Variants in DNAI1 observed in about 807,000 individuals in gnomAD.
DNAI1 encodes dynein, axonemal, intermediate polypeptide 1.
Under a neutral mutation model 92.0 loss-of-function variants are expected in DNAI1, and 67 were observed. The observed-to-expected ratio is 0.73, with a 90% CI of 0.60 to 0.89. The LOEUF (loss-of-function observed/expected upper bound fraction) is 0.89. Among genes scored for constraint, DNAI1 ranks in the 40% least tolerant of loss-of-function variants. The pLI is 0.00. For synonymous variants in DNAI1, 323 were observed against 319.6 expected (o/e 1.01, Z -0.11); for missense variants, 839 against 866.6 (o/e 0.97, Z 0.40).
At chr9:34,471,741 G>T (rs1031224352) in intron 1 of DNAI1, among the ~76,000 whole-genome samples, 3 of 151,978 alleles carry the variant, frequency 2.0e-5, no homozygotes, top group Non-Finnish European at 4.4e-5. Flanking sequence ...TTGCACTCCA[G>T]CCTGGGCTAC....
intron 14 of DNAI1, 50 bp downstream of exon 14, chr9:34,512,248 AG>A: frequency 6.2e-7 from 1 of 1,611,406 alleles, no homozygotes; most frequent in South Asian, 1.1e-5. Flanking sequence ...GGAGGCAGGG[AG>A]CTAAATGGCA....
At chr9:34,506,516 C>A (rs1824932840) in intron 12 of DNAI1, 111 bp from the exon 13 acceptor site, 2 of 1,435,326 alleles carry the variant, frequency 1.4e-6, no homozygotes, top group African/African-American at 1.4e-5. Context: ...CACACTCTGA[C>A]AGATGCAGAG....
chr9:34,482,463 T>C (rs1394037938), intron 1 of DNAI1, among the ~76,000 whole-genome samples: 3 of 151,030 alleles, frequency 2.0e-5, no homozygotes, highest in African/African-American at 4.9e-5. Context: ...AGGGTGCTGA[T>C]TGGTGTGTTT....
intron 1 of DNAI1, among the ~76,000 whole-genome samples, chr9:34,481,517 G>T (rs913851738): frequency 1.3e-5 from 2 of 152,212 alleles, no homozygotes; most frequent in African/African-American, 4.8e-5. Flanking sequence ...TCTGGAATTG[G>T]TGGGTTCTTG....
chr9:34,482,684 G>A (rs1227272263), intron 1 of DNAI1, among the ~76,000 whole-genome samples: 1 of 152,248 alleles, frequency 6.6e-6, no homozygotes, highest in Non-Finnish European at 1.5e-5. Flanking sequence ...CCAGACTTAG[G>A]AGCCCACCTG....
At position 34,513,106 on chromosome 9, in the gene DNAI1, C is replaced by G. The variant is rs1388193232; in HGVS notation, c.1490-6C>G. On this transcript the variant is annotated splice_region_variant and splice_polypyrimidine_tract_variant and intron_variant, in intron 15 of 19. Coordinates refer to ENST00000242317, the MANE Select transcript of DNAI1 (RefSeq NM_012144.4). ...GGCTAAGCCTGCCCCTCCCTCTTTTCCCAAGGTTGTGGCACTGCCTTTGAC... is the reference window on the plus strand; with the variant it reads ...GGCTAAGCCTGCCCCTCCCTCTTTTGCCAAGGTTGTGGCACTGCCTTTGAC... 6.2e-7 allele frequency: 1 copy of G among 1,613,750 alleles called. No individual in the cohort carries two copies.
In DNAI1 at chr9:34,506,725, T is replaced by C. The variant is rs1391419057; in HGVS notation, c.1162T>C (p.Cys388Arg). The C allele has an allele frequency of 6.2e-7, 1 of 1,614,192 alleles. No individual in the cohort carries two copies. Among genetic ancestry groups the C allele is most frequent in the Non-Finnish European group, 8.5e-7 (1 of 1,180,030 alleles). Reference sequence around the variant, plus strand: ...GTTCAGCAGCAACAGCGGCGTCATGTGTCTCGACATCCACGTGGACCACCC... The same window carrying C: ...GTTCAGCAGCAACAGCGGCGTCATGCGTCTCGACATCCACGTGGACCACCC... ...YMFSSNSGVM[C>R]LDIHVDHPYL... The change falls in exon 13 of 20, where the codon TGT becomes CGT. Residue 388 changes from cysteine to arginine, a missense_variant. Physicochemically the swap from Cys to Arg is radical, Grantham distance 180. Transcript: ENST00000242317.
intron 4 of DNAI1, chr9:34,488,180 C>A (rs974056079): frequency 1.2e-5 from 3 of 252,650 alleles, no homozygotes; most frequent in Non-Finnish European, 2.4e-5. Flanking sequence ...AATTATCATG[C>A]AAATTAGATA....
intron 1 of DNAI1, among the ~76,000 whole-genome samples, chr9:34,474,017 C>T (rs1824191934): frequency 6.6e-6 from 1 of 151,990 alleles, no homozygotes; most frequent in Non-Finnish European, 1.5e-5. Context: ...CATAAACCAC[C>T]ACACCTGGTC....
chr9:34,466,260 A>G (rs985894439), intron 1 of DNAI1, among the ~76,000 whole-genome samples: 15 of 152,232 alleles, frequency 9.9e-5, no homozygotes, highest in African/African-American at 3.4e-4. Flanking sequence ...AATCCTATTA[A>G]TTATGTAGGG....
At chr9:34,504,719 T>G (rs117610437) in intron 12 of DNAI1, among the ~76,000 whole-genome samples, 2 of 152,358 alleles carry the variant, frequency 1.3e-5, no homozygotes, top group Non-Finnish European at 2.9e-5. Context: ...CTGGAGAGGC[T>G]GAGCCCAGCT....
At chr9:34,481,133 C>T (rs1824345342) in intron 1 of DNAI1, among the ~76,000 whole-genome samples, 1 of 152,116 alleles carries the variant, frequency 6.6e-6, no homozygotes, top group South Asian at 2.1e-4. Context: ...CGGGAGGCTA[C>T]TCGGGAGGTT....
At chr9:34,473,323 T>C (rs920011666) in intron 1 of DNAI1, among the ~76,000 whole-genome samples, 1 of 150,494 alleles carries the variant, frequency 6.6e-6, no homozygotes, top group Non-Finnish European at 1.5e-5. Flanking sequence ...GACAGAGTCT[T>C]GCTCTGTCAC....
chr9:34,487,817 C>T (rs370391033), intron 4 of DNAI1: 1 of 157,304 alleles, frequency 6.4e-6, no homozygotes, highest in Non-Finnish European at 1.4e-5. Flanking sequence ...GGCATCTTCC[C>T]ACAGAACTAG....
intron 2 of DNAI1, 71 bp downstream of exon 2, chr9:34,483,551 A>G: frequency 6.9e-7 from 1 of 1,448,366 alleles, no homozygotes; most frequent in Non-Finnish European, 9.5e-7. Flanking sequence ...AATATTATTT[A>G]TGTGTTTTTA....
intron 18 of DNAI1, among the ~76,000 whole-genome samples, 158 bp downstream of exon 18, chr9:34,514,897 C>T (rs776029507): frequency 6.6e-6 from 1 of 152,168 alleles, no homozygotes; most frequent in African/African-American, 2.4e-5. Context: ...ATCCAGGGTC[C>T]AGCCAAAAGA....
intron 10 of DNAI1, among the ~76,000 whole-genome samples, chr9:34,498,538 A>G (rs1824768483): frequency 6.6e-6 from 1 of 152,268 alleles, no homozygotes; most frequent in African/African-American, 2.4e-5. Flanking sequence ...GAGTTGAAGA[A>G]AGAGATTGAT....
At chr9:34,473,570 G>A (rs1564027980) in intron 1 of DNAI1, among the ~76,000 whole-genome samples, 1 of 152,140 alleles carries the variant, frequency 6.6e-6, no homozygotes, top group African/African-American at 2.4e-5. Flanking sequence ...GGGATTACAG[G>A]TGTGAGCCAC....
intron 12 of DNAI1, 71 bp from the exon 13 acceptor site, chr9:34,506,556 A>G: frequency 6.2e-7 from 1 of 1,606,628 alleles, no homozygotes; most frequent in African/African-American, 1.3e-5. Context: ...CTAGTGGGGT[A>G]GGGGTGAGGG....
Sources: gnomAD v4.1 joint callset for allele counts (sites outside exome capture counted in the v4.1 genomes callset) on GRCh38, gnomAD v4.1.1 for gene constraint, MANE v1.5 for transcripts, NCBI Gene and HGNC (gene_info 2026-07-23, HGNC 2026-07-21) for gene names.